The following TRMT10B variants were observed in gnomAD, a reference collection of about 807,000 sequenced individuals.
The protein encoded by TRMT10B is tRNA methyltransferase 10B, also known as tRNA methyltransferase 10 homolog B.
A neutral mutation model predicts 43.8 loss-of-function variants in TRMT10B; 33 were observed. The observed-to-expected ratio is 0.75, with a 90% CI of 0.57 to 1.01. The LOEUF (loss-of-function observed/expected upper bound fraction) is 1.01. Ranked by LOEUF, TRMT10B falls within the 50% of genes least tolerant of loss-of-function variation. The probability of loss-of-function intolerance (pLI) is 0.00; values close to 1 mark genes in which losing one functional copy is unlikely to be tolerated. For synonymous variants in TRMT10B, 137 were observed against 130.6 expected (o/e 1.05, Z -0.34); for missense variants, 362 against 369.8 (o/e 0.98, Z 0.17).
intron 1 of TRMT10B, among the ~76,000 whole-genome samples, chr9:37,754,436 G>C (rs1825382604): frequency 6.6e-6 from 1 of 152,198 alleles, no homozygotes. Flanking sequence ...GAGAAAGGTA[G>C]ACCTTAGTGA....
At chr9:37,769,308 T>A (rs1210646688) in intron 5 of TRMT10B, among the ~76,000 whole-genome samples, 29 of 60,722 alleles carry the variant, frequency 4.8e-4, no homozygotes, top group Admixed American at 4.4e-3. Context: ...ACCCTGTCTT[T>A]AAAAAAAAAA....
chr9:37,765,082 C>A (rs1826837948), intron 4 of TRMT10B, among the ~76,000 whole-genome samples: 1 of 152,050 alleles, frequency 6.6e-6, no homozygotes, highest in Non-Finnish European at 1.5e-5. Context: ...AGAGATTATG[C>A]CTTGGACCCT....
At chr9:37,757,982 G>GAT (rs1249394281) in intron 1 of TRMT10B, among the ~76,000 whole-genome samples, 3 of 152,162 alleles carry the variant, frequency 2.0e-5, no homozygotes, top group African/African-American at 2.4e-5. Flanking sequence ...TTGAGCATTT[G>GAT]ATGGAGTACA....
rs766511104 is a variant in TRMT10B, at chr9:37,762,122, G to A, written c.186+5G>A. On this transcript the variant is annotated splice_donor_5th_base_variant and intron_variant, in intron 2 of 8. Coordinates refer to ENST00000297994, the MANE Select transcript of TRMT10B (RefSeq NM_144964.4). Reference sequence around the variant, plus strand: ...GGCAGTACGGCATGGTGCTCGGTGAGTGCGTGAATTGCCTGGCCATAGGCC... The same window carrying A: ...GGCAGTACGGCATGGTGCTCGGTGAATGCGTGAATTGCCTGGCCATAGGCC... 3.1e-6 allele frequency: 5 copies of A among 1,609,308 alleles called. No individual in the cohort carries two copies. Among genetic ancestry groups the A allele is most frequent in the Non-Finnish European group, 4.2e-6 (5 of 1,176,834 alleles).
chr9:37,767,364 T>G (rs903103378), intron 4 of TRMT10B: 9 of 151,450 alleles, frequency 5.9e-5, no homozygotes, highest in African/African-American at 2.2e-4. Flanking sequence ...AAATTAAAAA[T>G]TAGCCAGGTA....
chr9:37,772,753 G>C (rs898193470), intron 7 of TRMT10B, among the ~76,000 whole-genome samples: 1 of 152,118 alleles, frequency 6.6e-6, no homozygotes, highest in Non-Finnish European at 1.5e-5. Flanking sequence ...GGAGGCCCAA[G>C]GCAGGAGGAT....
At chr9:37,758,195 T>C (rs1382649323) in intron 1 of TRMT10B, among the ~76,000 whole-genome samples, 1 of 152,200 alleles carries the variant, frequency 6.6e-6, no homozygotes, top group African/African-American at 2.4e-5. Flanking sequence ...GCGGATTGCT[T>C]GAGTCCAGGA....
At chr9:37,771,186 G>A (rs1189971980) in intron 7 of TRMT10B, among the ~76,000 whole-genome samples, 7 of 152,022 alleles carry the variant, frequency 4.6e-5, no homozygotes, top group African/African-American at 1.7e-4. Flanking sequence ...TAATTGGGGT[G>A]TCACTGGAAT....
chr9:37,769,991 T>C lies in TRMT10B; in HGVS notation c.624T>C (p.Leu208=), dbSNP rs1487864377. 1.2e-6 allele frequency: 2 copies of C among 1,614,136 alleles called. No homozygotes were observed. Among genetic ancestry groups the C allele is most frequent in the East Asian group, 4.5e-5 (2 of 44,884 alleles). Residue 208 remains leucine (L), a synonymous_variant, in exon 6 of 9, where the codon CTT becomes CTC. Transcript: ENST00000297994. ...TTAGTTTATTTCCCTTGGAAACCCT[T>C]GTGTACCTGACTCCTGACTCAGAAC... is the stretch of plus-strand genomic sequence containing the variant. ...DCFSLFPLET[L]VYLTPDSEHA...
rs531921346 is a variant in TRMT10B at position 37,756,434 on chromosome 9, C to T, written c.-30+2582C>T. ...TTAAAAAAAAAAAAATGGCTGGGTG[C>T]GGTGGCTCACTCCTGTAATCCCAGC... On this transcript the variant is annotated intron_variant, in intron 1 of 8. Transcript: ENST00000297994. 4.2e-4 allele frequency among the ~76,000 whole-genome samples: 64 copies of T among 150,992 alleles called. 1 individual carries two copies. The highest frequency in any genetic ancestry group is 1.7e-3 in the South Asian group (8 of 4,798).
At chr9:37,774,466 C>T (rs963188429) in intron 7 of TRMT10B, among the ~76,000 whole-genome samples, 2 of 152,174 alleles carry the variant, frequency 1.3e-5, no homozygotes, top group African/African-American at 4.8e-5. Context: ...TGGAGTTTGG[C>T]TTCTTCACAG....
At position 37,776,326 on chromosome 9, in the gene TRMT10B, A is replaced by T. The variant is rs761630589; in HGVS notation, c.765A>T (p.Ala255=). The T allele has an allele frequency of 1.9e-6, 3 of 1,612,026 alleles. No individual in the cohort carries two copies. Among genetic ancestry groups the T allele is most frequent in the Non-Finnish European group, 2.5e-6 (3 of 1,179,022 alleles). The change falls in exon 8 of 9, where the codon GCA becomes GCT. Residue 255 remains alanine (A), a synonymous_variant. Coordinates refer to ENST00000297994, the MANE Select transcript of TRMT10B (RefSeq NM_144964.4). ...CCCGGGAATACTCTGTCAAGACCGCACGCTTGCCAATCCAGGAATACATGG... is the reference window on the plus strand; with the variant it reads ...CCCGGGAATACTCTGTCAAGACCGCTCGCTTGCCAATCCAGGAATACATGG... ...QKAREYSVKT[A]RLPIQEYMVR...
chr9:37,753,121 T>C (rs1320044837), upstream of TRMT10B, among the ~76,000 whole-genome samples: 2 of 150,268 alleles, frequency 1.3e-5, no homozygotes, highest in Non-Finnish European at 2.9e-5. Flanking sequence ...TTAACACTCA[T>C]TGCGAAGATC....
intron 7 of TRMT10B, among the ~76,000 whole-genome samples, chr9:37,773,421 C>T (rs1827797401): frequency 6.6e-6 from 1 of 152,046 alleles, no homozygotes; most frequent in African/African-American, 2.4e-5. Flanking sequence ...CTGTCCAGCC[C>T]AAAATATGTA....
At chr9:37,772,361 A>C (rs1260109252) in intron 7 of TRMT10B, among the ~76,000 whole-genome samples, 1 of 151,446 alleles carries the variant, frequency 6.6e-6, no homozygotes, top group Admixed American at 6.6e-5. Flanking sequence ...TTTGTTGCCC[A>C]GACTAGTCTC....
chr9:37,771,333 G>A (rs2070371774), intron 7 of TRMT10B, among the ~76,000 whole-genome samples: 1 of 152,086 alleles, frequency 6.6e-6, no homozygotes, highest in Admixed American at 6.6e-5. Context: ...TCCTACCTTT[G>A]TCTCCCAATT....
rs910919973 is a variant in TRMT10B, at chr9:37,778,049, G to A, written c.*342G>A. The A allele has an allele frequency of 2.4e-5, 5 of 205,192 alleles. No individual in the cohort carries two copies. Among genetic ancestry groups the A allele is most frequent in the South Asian group, 1.5e-4 (2 of 13,150 alleles). The allele number at this position is 205,192 out of a possible 1,614,324, so 12.7% of individuals were successfully genotyped here. On this transcript the variant is annotated 3_prime_UTR_variant, in exon 9 of 9. Transcript: ENST00000297994. ...AAAAATGCAGCTGCAGGAGTGAGGCGCTTGGAGGTACCTTGACCCAAAGAG... is the reference window on the plus strand; with the variant it reads ...AAAAATGCAGCTGCAGGAGTGAGGCACTTGGAGGTACCTTGACCCAAAGAG...
intron 8 of TRMT10B, 42 bp downstream of exon 8, chr9:37,776,447 G>A (rs1828160565): frequency 6.3e-7 from 1 of 1,583,458 alleles, no homozygotes; most frequent in Admixed American, 1.8e-5. Flanking sequence ...GTGAGTTCTG[G>A]TGCTGCTGCT....
chr9:37,762,104 C>A lies in TRMT10B; in HGVS notation c.173C>A (p.Thr58Lys). The stretch of plus-strand genomic sequence containing the variant: ...GGAGAGATCCTGGCCACAGGCAGTA[C>A]GGCATGGTGCTCGGTGAGTGCGTGA... ...QEGEILATGSTAWCSKNVQRK... is the reference protein window; with the variant it reads ...QEGEILATGSKAWCSKNVQRK... The change falls in exon 2 of 9, where the codon ACG becomes AAG. Residue 58 changes from threonine (T) to lysine (K), a missense_variant. Transcript: ENST00000297994. 6.2e-7 allele frequency: 1 copy of A among 1,613,392 alleles called. No homozygotes were observed. The highest frequency in any genetic ancestry group is 1.7e-4 in the Middle Eastern group (1 of 6,026).
Sources: gnomAD v4.1 joint callset for allele counts (sites outside exome capture counted in the v4.1 genomes callset) on GRCh38, gnomAD v4.1.1 for gene constraint, MANE v1.5 for transcripts, NCBI Gene and HGNC (gene_info 2026-07-23, HGNC 2026-07-21) for gene names.